The following ART3 variants were observed in gnomAD, a reference collection of about 807,000 sequenced individuals.
ART3 encodes ADP-ribosyltransferase 3 (inactive).
A neutral mutation model predicts 48.5 loss-of-function variants in ART3; 49 were observed. That is an observed-to-expected ratio of 1.01 (90% CI 0.80 to 1.28). The LOEUF (loss-of-function observed/expected upper bound fraction) is 1.28, where lower values mean the gene tolerates loss of function less well. Ranked by LOEUF, ART3 falls within the 50% of genes most tolerant of loss-of-function variation. ART3 has a pLI of 0.00. For synonymous variants in ART3, 145 were observed against 157.2 expected (o/e 0.92, Z 0.58); for missense variants, 438 against 454.3 (o/e 0.96, Z 0.33).
intron 1 of ART3, among the ~76,000 whole-genome samples, chr4:76,015,749 C>G (rs968924364): frequency 2.6e-5 from 4 of 152,190 alleles, no homozygotes; most frequent in African/African-American, 9.7e-5. Flanking sequence ...CCACCTCAGC[C>G]TCTCGAGTAG....
chr4:76,091,403 C>T (rs561861385), intron 3 of ART3, among the ~76,000 whole-genome samples: 3 of 152,192 alleles, frequency 2.0e-5, no homozygotes, highest in Non-Finnish European at 4.4e-5. Context: ...TTCTTGCCGA[C>T]ACTTGATAGA....
intron 1 of ART3, among the ~76,000 whole-genome samples, chr4:76,049,938 G>A (rs1282328147): frequency 6.6e-6 from 1 of 151,686 alleles, no homozygotes; most frequent in Admixed American, 6.6e-5. Context: ...GTTCCTTCTG[G>A]TGGGTTCGTG....
intron 2 of ART3, among the ~76,000 whole-genome samples, chr4:76,079,246 G>T (rs1261242328): frequency 2.0e-5 from 3 of 151,322 alleles, no homozygotes; most frequent in African/African-American, 7.3e-5. Flanking sequence ...AACACTTAGT[G>T]CCTGGCATAT....
At chr4:76,087,368 G>A (rs574776608) in intron 3 of ART3, among the ~76,000 whole-genome samples, 25 of 152,112 alleles carry the variant, frequency 1.6e-4, no homozygotes, top group Non-Finnish European at 2.9e-4. Context: ...GTCCTCTGCC[G>A]CCATCTAGAG....
At chr4:76,100,735 A>G in intron 6 of ART3, 60 bp from the exon 7 acceptor site, 2 of 1,571,746 alleles carry the variant, frequency 1.3e-6, no homozygotes, top group Admixed American at 1.8e-5. Context: ...CTGTAGCTGT[A>G]GTAACTGCCA....
At chr4:76,044,567 T>C (rs1009042330) in intron 1 of ART3, among the ~76,000 whole-genome samples, 2 of 151,640 alleles carry the variant, frequency 1.3e-5, no homozygotes, top group African/African-American at 4.8e-5. Context: ...TTTTCTTTAC[T>C]ACTTCCATCT....
At chr4:76,039,421 A>G (rs1043780811) in intron 1 of ART3, among the ~76,000 whole-genome samples, 1 of 152,194 alleles carries the variant, frequency 6.6e-6, no homozygotes, top group African/African-American at 2.4e-5. Context: ...ATTAACTGCT[A>G]TTATTATTAT....
intron 6 of ART3, 24 bp from the exon 7 acceptor site, chr4:76,100,771 G>C (rs981373355): frequency 6.2e-7 from 1 of 1,606,578 alleles, no homozygotes; most frequent in African/African-American, 1.3e-5. Context: ...CGTTAAAACT[G>C]ATGAGCTTCT....
chr4:76,071,995 T>A (rs1190330899), upstream of ART3, among the ~76,000 whole-genome samples: 1 of 152,120 alleles, frequency 6.6e-6, no homozygotes, highest in Non-Finnish European at 1.5e-5. Context: ...TAGCTCACTG[T>A]AATCTGCAAC....
intron 3 of ART3, among the ~76,000 whole-genome samples, chr4:76,089,582 A>T (rs1469810060): frequency 6.6e-6 from 1 of 152,184 alleles, no homozygotes; most frequent in Non-Finnish European, 1.5e-5. Context: ...CAGCCTGCCG[A>T]ATCATGAGCC....
intron 1 of ART3, among the ~76,000 whole-genome samples, chr4:76,038,158 C>A (rs1385280450): frequency 6.6e-6 from 1 of 152,142 alleles, no homozygotes; most frequent in African/African-American, 2.4e-5. Flanking sequence ...GACATTTTAT[C>A]ATTTCACAGC....
chr4:76,025,138 C>T (rs559081586), intron 1 of ART3, among the ~76,000 whole-genome samples: 4 of 152,298 alleles, frequency 2.6e-5, no homozygotes, highest in Non-Finnish European at 5.9e-5. Context: ...ACCCAAAAGA[C>T]TTTCACCTAG....
intron 3 of ART3, among the ~76,000 whole-genome samples, chr4:76,091,433 A>T (rs1012708968): frequency 1.3e-5 from 2 of 152,166 alleles, no homozygotes; most frequent in African/African-American, 4.8e-5. Flanking sequence ...AACAGTTCTA[A>T]ATAGATATGT....
rs143533268 is a variant in ART3 at position 76,011,500 on chromosome 4, C to T, written c.-10+180C>T. ...CTTGGGTGAGGCCAGCAGGGAACGA[C>T]GGCCCCAGAAGGGCCAGGGCACTGG... On this transcript the variant is annotated intron_variant, in intron 1 of 9. Coordinates refer to the ART3 transcript ENST00000341029. Among the ~76,000 whole-genome samples, 12 of 152,302 alleles carry T rather than the reference C, an allele frequency of 7.9e-5. No homozygotes were observed. The East Asian group carries it at 2.3e-3, about 29-fold the overall frequency.
intron 1 of ART3, among the ~76,000 whole-genome samples, chr4:76,028,868 T>G (rs1000042782): frequency 2.0e-5 from 3 of 152,204 alleles, no homozygotes; most frequent in African/African-American, 7.2e-5. Flanking sequence ...GAATAGCTTC[T>G]GTTTGGATAC....
intron 3 of ART3, among the ~76,000 whole-genome samples, chr4:76,087,651 T>A (rs4859613): frequency 0.62 from 94,586 of 152,116 alleles, 30,025 homozygotes; most frequent in East Asian, 0.98. Flanking sequence ...CCAAGATAAA[T>A]ATATATTGTG....
intron 1 of ART3, chr4:76,034,060 A>G (rs1734113127): frequency 5.9e-6 from 1 of 168,550 alleles, no homozygotes; most frequent in African/African-American, 2.4e-5. Flanking sequence ...TAATTTGGTT[A>G]TGAAATATGT....
chr4:76,060,669 T>C (rs780764156), intron 1 of ART3, among the ~76,000 whole-genome samples: 7 of 152,170 alleles, frequency 4.6e-5, no homozygotes, highest in South Asian at 2.1e-4. Flanking sequence ...TGTAATAACA[T>C]GGGCACTTAA....
intron 3 of ART3, among the ~76,000 whole-genome samples, chr4:76,094,224 T>C (rs1167926248): frequency 6.6e-6 from 1 of 152,232 alleles, no homozygotes; most frequent in Non-Finnish European, 1.5e-5. Context: ...AGTCAGGGTA[T>C]TTTGTGTGGC....
Sources: gnomAD v4.1 joint callset for allele counts (sites outside exome capture counted in the v4.1 genomes callset) on GRCh38, gnomAD v4.1.1 for gene constraint, MANE v1.5 for transcripts, NCBI Gene and HGNC (gene_info 2026-07-23, HGNC 2026-07-21) for gene names.